The following ANKS1B variants were observed in gnomAD, a reference collection of about 807,000 sequenced individuals.
ANKS1B encodes ankyrin repeat and sterile alpha motif domain containing 1B, also known as ankyrin repeat and sterile alpha motif domain-containing protein 1B.
A neutral mutation model predicts 148.3 loss-of-function variants in ANKS1B; 36 were observed. The observed-to-expected ratio is 0.24, with a 90% confidence interval of 0.19 to 0.32. ANKS1B has a LOEUF of 0.32. ANKS1B is among the 10% of genes least tolerant of loss of function. ANKS1B has a pLI of 1.00. For synonymous variants in ANKS1B, 542 were observed against 560.8 expected (o/e 0.97, Z 0.47); for missense variants, 1,157 against 1,542.6 (o/e 0.75, Z 4.19).
intron 17 of ANKS1B, among the ~76,000 whole-genome samples, chr12:99,022,161 C>T (rs2099946181): frequency 6.6e-6 from 1 of 152,148 alleles, no homozygotes; most frequent in Non-Finnish European, 1.5e-5. Context: ...AGTTGTTTTG[C>T]CATGTGACGG....
At chr12:99,090,672 C>T (rs2053714432) in intron 15 of ANKS1B, among the ~76,000 whole-genome samples, 1 of 152,058 alleles carries the variant, frequency 6.6e-6, no homozygotes, top group Admixed American at 6.5e-5. Flanking sequence ...TGAAACTGTA[C>T]ATAATTTTCT....
intron 17 of ANKS1B, among the ~76,000 whole-genome samples, chr12:99,022,934 T>C (rs896662310): frequency 6.6e-6 from 1 of 152,176 alleles, no homozygotes; most frequent in Non-Finnish European, 1.5e-5. Context: ...ACTGTAAATC[T>C]GTATTGAATT....
chr12:99,892,006 T>TTTTG (rs753633942), intron 1 of ANKS1B, among the ~76,000 whole-genome samples: 2 of 152,114 alleles, frequency 1.3e-5, no homozygotes, highest in Non-Finnish European at 1.5e-5. Context: ...TAATAGGTTT[T>TTTTG]TTTGTTTGTT....
At chr12:98,870,262 C>G (rs79410386) in intron 17 of ANKS1B, among the ~76,000 whole-genome samples, 95 of 152,344 alleles carry the variant, frequency 6.2e-4, no homozygotes, top group African/African-American at 2.1e-3. Flanking sequence ...GTGCAAATGA[C>G]GATTCTGGTC....
At chr12:98,800,154 G>A (rs1283195711) in intron 21 of ANKS1B, among the ~76,000 whole-genome samples, 1 of 126,698 alleles carries the variant, frequency 7.9e-6, no homozygotes, top group Non-Finnish European at 1.6e-5. Context: ...CAGTACCACT[G>A]AAATAAATCC....
At chr12:99,216,206 G>A (rs998903855) in intron 14 of ANKS1B, among the ~76,000 whole-genome samples, 3 of 152,190 alleles carry the variant, frequency 2.0e-5, no homozygotes, top group Non-Finnish European at 4.4e-5. Context: ...CCCCAGCTAT[G>A]TGGAACTGTG....
intron 17 of ANKS1B, among the ~76,000 whole-genome samples, chr12:98,957,937 A>G (rs1358148308): frequency 6.6e-6 from 1 of 152,190 alleles, no homozygotes; most frequent in Non-Finnish European, 1.5e-5. Context: ...GAGAGTAGGC[A>G]CACAGCTTAG....
intron 9 of ANKS1B, among the ~76,000 whole-genome samples, chr12:99,545,012 T>C (rs1445317175): frequency 2.0e-5 from 3 of 152,276 alleles, no homozygotes; most frequent in South Asian, 2.1e-4. Context: ...TGGCTTCATT[T>C]ATCATTGGTC....
chr12:99,504,552 C>T lies in ANKS1B; in HGVS notation c.1362G>A (p.Leu454=), dbSNP rs1306559583. 4.3e-6 allele frequency: 7 copies of T among 1,612,802 alleles called. No individual in the cohort carries two copies. Among genetic ancestry groups the T allele is most frequent in the South Asian group, 1.1e-5 (1 of 90,964 alleles). ...DTFPSENENF[L]CDLMDTAVTK... is the part of the protein sequence containing the mutation. ...TAACAGCTGTGTCCATGAGATCACA[C>T]AGAAAGTTCTCATTTTCTGAAGGAA... is the stretch of plus-strand genomic sequence containing the variant. Residue 454 remains leucine, a synonymous_variant, in exon 10 of 27, where the codon CTG becomes CTA. Transcript: ENST00000683438.
chr12:98,807,940 C>A (rs1270135445), intron 19 of ANKS1B, 22 bp from the exon 20 acceptor site: 2 of 1,593,030 alleles, frequency 1.3e-6, no homozygotes, highest in Non-Finnish European at 1.7e-6. Context: ...AGAAAACTAT[C>A]TTATCTTGTC....
At chr12:98,891,066 C>A (rs899447554) in intron 17 of ANKS1B, among the ~76,000 whole-genome samples, 6 of 152,132 alleles carry the variant, frequency 3.9e-5, no homozygotes, top group Non-Finnish European at 8.8e-5. Context: ...TACATTAATT[C>A]CAAACACTAA....
rs190967162 is a variant in ANKS1B at position 99,221,002 on chromosome 12, A to G, written c.2419+23340T>C. Among the ~76,000 whole-genome samples, 6 of 152,292 alleles carry G rather than the reference A, an allele frequency of 3.9e-5. No individual in the cohort carries two copies. The East Asian group carries it at 1.2e-3, about 29-fold the overall frequency. On this transcript the variant is annotated intron_variant, in intron 14 of 26. Transcript: ENST00000683438. ...ATAATACAACATTTTGAAACCATTC[A>G]TTTAAAAAAGGCTTGATTAAATAAA...
At chr12:99,511,869 A>G (rs1436802139) in intron 9 of ANKS1B, among the ~76,000 whole-genome samples, 2 of 151,938 alleles carry the variant, frequency 1.3e-5, no homozygotes, top group East Asian at 3.9e-4. Context: ...TATGCAGGAA[A>G]TTGAAACTGG....
chr12:99,078,814 T>G (rs959191547), intron 16 of ANKS1B, among the ~76,000 whole-genome samples: 1 of 150,988 alleles, frequency 6.6e-6, no homozygotes, highest in African/African-American at 2.4e-5. Flanking sequence ...ACCTCTATTA[T>G]GTATGAACTG....
At chr12:99,392,139 C>G (rs898683296) in intron 12 of ANKS1B, among the ~76,000 whole-genome samples, 1 of 152,242 alleles carries the variant, frequency 6.6e-6, no homozygotes, top group Non-Finnish European at 1.5e-5. Flanking sequence ...GAGGTCATCT[C>G]AGCAGCCTGT....
intron 14 of ANKS1B, among the ~76,000 whole-genome samples, chr12:99,242,915 T>C (rs1386085328): frequency 1.3e-5 from 2 of 152,202 alleles, no homozygotes; most frequent in East Asian, 1.9e-4. Context: ...ATGACTTTAA[T>C]GTAAGACCTA....
In ANKS1B at chr12:99,885,602, C is replaced by CT. The variant is rs1231876458; in HGVS notation, c.135-60214dup. Among the ~76,000 whole-genome samples the CT allele has an allele frequency of 5.3e-5, 8 of 151,410 alleles. No homozygotes were observed. In the South Asian group the frequency reaches 6.3e-4, roughly 12 times the overall value. On this transcript the variant is annotated intron_variant, in intron 1 of 26. Transcript: ENST00000683438. ...ACAGGCTTGAGCCACCGCGCCCGGT[C>CT]TTTTTTTTTATTTCAAGAGCTTAGG...
chr12:99,581,267 A>G (rs139531022), intron 9 of ANKS1B, among the ~76,000 whole-genome samples: 146 of 152,330 alleles, frequency 9.6e-4, no homozygotes, highest in African/African-American at 3.5e-3. Flanking sequence ...AGATGTGACC[A>G]TTTGATTTTC....
At chr12:99,882,024 T>C (rs2092536431) in intron 1 of ANKS1B, among the ~76,000 whole-genome samples, 1 of 152,140 alleles carries the variant, frequency 6.6e-6, no homozygotes, top group Non-Finnish European at 1.5e-5. Flanking sequence ...AAAGCAGCTA[T>C]TAAAAACACT....
Sources: gnomAD v4.1 joint callset for allele counts (sites outside exome capture counted in the v4.1 genomes callset) on GRCh38, gnomAD v4.1.1 for gene constraint, MANE v1.5 for transcripts, NCBI Gene and HGNC (gene_info 2026-07-23, HGNC 2026-07-21) for gene names.